The following TFEC variants were observed in gnomAD, a reference collection of about 807,000 sequenced individuals.
The protein encoded by TFEC is class E basic helix-loop-helix protein 34.
TFEC carries 31 observed loss-of-function variants against 41.6 expected under a neutral mutation model. The observed-to-expected ratio is 0.74, with a 90% CI of 0.56 to 1.01. The LOEUF is 1.01. Among genes scored for constraint, TFEC ranks in the 50% least tolerant of loss-of-function variants. TFEC has a pLI of 0.00. For synonymous variants in TFEC, 143 were observed against 140.6 expected, an observed-to-expected ratio of 1.02 and a Z score of -0.12; for missense variants, 402 against 404.1, an observed-to-expected ratio of 0.99 and a Z score of 0.04.
At chr7:116,115,482 C>T (rs1245922213) in intron 1 of TFEC, among the ~76,000 whole-genome samples, 2 of 151,858 alleles carry the variant, frequency 1.3e-5, no homozygotes, top group African/African-American at 4.8e-5. Context: ...CTTGTGGCCC[C>T]TTCCTCCATC....
chr7:116,157,158 C>T (rs1269004260), intron 1 of TFEC: 1 of 152,086 alleles, frequency 6.6e-6, no homozygotes, highest in African/African-American at 2.4e-5. Flanking sequence ...TTTCCTATAT[C>T]TCAATGCTTT....
intron 3 of TFEC, among the ~76,000 whole-genome samples, chr7:116,083,825 A>G (rs1797144123): frequency 6.6e-6 from 1 of 151,924 alleles, no homozygotes; most frequent in Admixed American, 6.6e-5. Context: ...TACCAACTAC[A>G]AGTTCTTACT....
intron 3 of TFEC, among the ~76,000 whole-genome samples, chr7:115,966,475 A>T (rs1792857120): frequency 6.6e-6 from 1 of 151,782 alleles, no homozygotes; most frequent in African/African-American, 2.4e-5. Flanking sequence ...TTTCATAGTA[A>T]TAATTTAAAT....
At chr7:115,971,933 C>T (rs1458712198) in intron 3 of TFEC, among the ~76,000 whole-genome samples, 1 of 151,964 alleles carries the variant, frequency 6.6e-6, no homozygotes, top group Non-Finnish European at 1.5e-5. Flanking sequence ...TGCTTAAGCC[C>T]CTTATGAGTC....
intron 1 of TFEC, among the ~76,000 whole-genome samples, chr7:116,149,075 T>A (rs1798705377): frequency 6.6e-6 from 1 of 152,082 alleles, no homozygotes; most frequent in Non-Finnish European, 1.5e-5. Context: ...GCATCCAACT[T>A]AATGAACTGA....
intron 1 of TFEC, among the ~76,000 whole-genome samples, chr7:116,150,784 T>C (rs1798745395): frequency 6.6e-6 from 1 of 152,164 alleles, no homozygotes; most frequent in Non-Finnish European, 1.5e-5. Context: ...TGTTCTTATA[T>C]TAGCATTCAG....
intron 1 of TFEC, among the ~76,000 whole-genome samples, chr7:116,000,050 C>A (rs1049098766): frequency 6.6e-6 from 1 of 152,010 alleles, no homozygotes. Context: ...CCCCAATGAA[C>A]ATTGATGCAA....
chr7:116,077,214 A>C (rs1796979961), intron 3 of TFEC, among the ~76,000 whole-genome samples: 1 of 152,206 alleles, frequency 6.6e-6, no homozygotes, highest in Non-Finnish European at 1.5e-5. Context: ...TCTTTTCCAG[A>C]CAAACAAATG....
intron 6 of TFEC, among the ~76,000 whole-genome samples, chr7:115,947,293 C>T (rs1181749455): frequency 6.6e-6 from 1 of 151,540 alleles, no homozygotes; most frequent in East Asian, 2.0e-4. Context: ...TGGATATGTG[C>T]CACATTTTCT....
chr7:116,041,725 A>T (rs1325184183), intron 3 of TFEC, among the ~76,000 whole-genome samples: 1 of 152,148 alleles, frequency 6.6e-6, no homozygotes, highest in Non-Finnish European at 1.5e-5. Flanking sequence ...GAGATTGAAA[A>T]ACCCAGAGAT....
chr7:116,057,618 A>C (rs1220519799), intron 3 of TFEC, among the ~76,000 whole-genome samples: 1 of 151,908 alleles, frequency 6.6e-6, no homozygotes, highest in East Asian at 1.9e-4. Context: ...TTTAAAAATT[A>C]TTTAAGTATC....
intron 1 of TFEC, among the ~76,000 whole-genome samples, chr7:116,153,237 GGTGT>G (rs1026082218): frequency 6.7e-6 from 1 of 149,356 alleles, no homozygotes; most frequent in African/African-American, 2.5e-5. Context: ...CGATGTTGTG[GGTGT>G]TTTTGTTTTG....
chr7:116,020,435 A>G (rs1332396794), intron 1 of TFEC, among the ~76,000 whole-genome samples: 1 of 152,208 alleles, frequency 6.6e-6, no homozygotes, highest in Non-Finnish European at 1.5e-5. Flanking sequence ...TAATGATTCT[A>G]TAATGTAAAT....
rs1314493104 is a variant in TFEC, at chr7:115,950,862, T to A, written c.515+12A>T. The A allele has an allele frequency of 6.3e-7, 1 of 1,586,730 alleles. No homozygotes were observed. The highest frequency in any genetic ancestry group is 1.4e-5 in the African/African-American group (1 of 73,762). On this transcript the variant is annotated intron_variant, in intron 6 of 7. Transcript: ENST00000265440. ...ATTATAACATTATTATAGAAATGAT[T>A]GTTGAACTCACGGATCATTAGACTT...
chr7:116,116,288 A>G (rs1172445938), intron 1 of TFEC, among the ~76,000 whole-genome samples: 1 of 151,904 alleles, frequency 6.6e-6, no homozygotes, highest in Admixed American at 6.6e-5. Context: ...GAAAAGAAGT[A>G]TATGGGGGAC....
chr7:115,988,414 T>A (rs1793954445), intron 1 of TFEC, among the ~76,000 whole-genome samples: 1 of 151,644 alleles, frequency 6.6e-6, no homozygotes, highest in African/African-American at 2.4e-5. Context: ...AAAAACACTG[T>A]AGAGAAATGA....
intron 1 of TFEC, among the ~76,000 whole-genome samples, chr7:116,142,337 T>A (rs1798557823): frequency 6.6e-6 from 1 of 152,172 alleles, no homozygotes. Flanking sequence ...AGTGATGGAT[T>A]ACTAAGAATA....
At chr7:115,995,674 A>G (rs1352769148) in intron 1 of TFEC, among the ~76,000 whole-genome samples, 2 of 152,206 alleles carry the variant, frequency 1.3e-5, no homozygotes, top group African/African-American at 4.8e-5. Context: ...CATATCACTG[A>G]GAGAGACACT....
chr7:116,138,363 T>G (rs534587680), intron 1 of TFEC, among the ~76,000 whole-genome samples: 8 of 152,292 alleles, frequency 5.3e-5, no homozygotes, highest in South Asian at 4.1e-4. Context: ...CAGTTTAATG[T>G]TCCATTCTGA....
Sources: allele counts gnomAD v4.1 joint callset (sites outside exome capture counted in the v4.1 genomes callset), GRCh38; gene constraint gnomAD v4.1.1; transcripts MANE v1.5; gene names NCBI Gene and HGNC (gene_info 2026-07-23, HGNC 2026-07-21).